The following MPPED1 variants were observed in gnomAD, a reference collection of about 807,000 sequenced individuals.
MPPED1 encodes the protein metallophosphoesterase domain containing 1, also known as metallophosphoesterase domain-containing protein 1.
Under a neutral mutation model 36.2 loss-of-function variants are expected in MPPED1, and 16 were observed. That is an observed-to-expected ratio of 0.44 (90% CI 0.30 to 0.67). The LOEUF (loss-of-function observed/expected upper bound fraction) is 0.67. MPPED1 is among the 30% of genes least tolerant of loss of function. The pLI is 0.10. For missense variants in MPPED1, 307 were observed against 453.4 expected (o/e 0.68, Z 2.93); for synonymous variants, 199 against 191.3 (o/e 1.04, Z -0.33).
At chr22:43,465,392 C>T (rs1931130161) in intron 3 of MPPED1, among the ~76,000 whole-genome samples, 1 of 152,234 alleles carries the variant, frequency 6.6e-6, no homozygotes, top group Admixed American at 6.5e-5. Context: ...ACTTAGGAGA[C>T]CTTGGTTGAA....
At position 43,473,207 on chromosome 22, in the gene MPPED1, ACGGTGCCCGTGCTGC is replaced by A. The variant is rs1250815792; in HGVS notation, c.407-1528_407-1514del. Among the ~76,000 whole-genome samples, 1,448 of 152,302 alleles carry A rather than the reference ACGGTGCCCGTGCTGC, an allele frequency of 9.5e-3. 25 individuals are homozygous for A. The highest frequency in any genetic ancestry group is 0.034 in the African/African-American group (1,393 of 41,554). On this transcript the variant is annotated intron_variant, in intron 3 of 6. Coordinates refer to ENST00000443721, the MANE Select transcript of MPPED1 (RefSeq NM_001044370.2). ...GCTGTGTTGTCCCAGGGGACAGACC[ACGGTGCCCGTGCTGC>A]TGGGCATTGCCCCGGGAGGGTGAGG...
intron 4 of MPPED1, among the ~76,000 whole-genome samples, chr22:43,483,068 G>T (rs1166921089): frequency 1.3e-5 from 2 of 152,256 alleles, no homozygotes; most frequent in Admixed American, 6.5e-5. Flanking sequence ...CAGCAGGGAA[G>T]TGTCTTGTGT....
intron 1 of MPPED1, among the ~76,000 whole-genome samples, chr22:43,421,546 C>T (rs1006457719): frequency 1.3e-5 from 2 of 152,246 alleles, no homozygotes; most frequent in Non-Finnish European, 2.9e-5. Flanking sequence ...GCCAGCCTGG[C>T]AGCCTCCTTG....
At chr22:43,455,127 T>C (rs1456875128) in intron 3 of MPPED1, among the ~76,000 whole-genome samples, 1 of 145,516 alleles carries the variant, frequency 6.9e-6, no homozygotes, top group Non-Finnish European at 1.5e-5. Flanking sequence ...TTTTTTTTTT[T>C]GAGACGAAGT....
chr22:43,449,631 C>T (rs1461696540), intron 3 of MPPED1, among the ~76,000 whole-genome samples: 2 of 152,112 alleles, frequency 1.3e-5, no homozygotes, highest in Non-Finnish European at 2.9e-5. Context: ...TGCCACCCAG[C>T]GAGGGAGGGA....
intron 3 of MPPED1, among the ~76,000 whole-genome samples, chr22:43,467,621 T>G (rs1931218513): frequency 6.6e-6 from 1 of 152,172 alleles, no homozygotes; most frequent in African/African-American, 2.4e-5. Flanking sequence ...TCTGCTAATG[T>G]GAATCTCCTA....
chr22:43,455,483 C>T (rs1436369121), intron 3 of MPPED1, among the ~76,000 whole-genome samples: 1 of 152,106 alleles, frequency 6.6e-6, no homozygotes, highest in Non-Finnish European at 1.5e-5. Flanking sequence ...ACCTGAATTA[C>T]CTCACTAAGG....
chr22:43,452,795 CT>C lies in MPPED1; in HGVS notation c.406+17587del, dbSNP rs893071470. Among the ~76,000 whole-genome samples, 38 of 151,208 alleles carry C rather than the reference CT, an allele frequency of 2.5e-4. 1 individual carries two copies. Among genetic ancestry groups the C allele is most frequent in the Admixed American group, 4.0e-4 (6 of 15,184 alleles). On this transcript the variant is annotated intron_variant, in intron 3 of 6. Coordinates refer to ENST00000443721, the MANE Select transcript of MPPED1 (RefSeq NM_001044370.2). ...AGGCACATGCCACCACGCCTGGCTACTTTTTTTATTTTTTGTAGAGACGAGG... is the reference window on the plus strand; with the variant it reads ...AGGCACATGCCACCACGCCTGGCTACTTTTTTATTTTTTGTAGAGACGAGG...
At chr22:43,429,232 G>A (rs777953097) in intron 2 of MPPED1, among the ~76,000 whole-genome samples, 3 of 152,140 alleles carry the variant, frequency 2.0e-5, no homozygotes, top group Non-Finnish European at 4.4e-5. Context: ...GTGAGTGTGG[G>A]GAGCTGGGAT....
At position 43,481,388 on chromosome 22, in the gene MPPED1, C is replaced by T. The variant is rs571084663; in HGVS notation, c.632+6427C>T. On this transcript the variant is annotated intron_variant, in intron 4 of 6. Coordinates refer to ENST00000443721, the MANE Select transcript of MPPED1 (RefSeq NM_001044370.2). The stretch of plus-strand genomic sequence containing the variant: ...TAGGACCGCCCTGTCTTTATTACTC[C>T]GGCAGTTGATTTATCTTCTCTTTAT... Among the ~76,000 whole-genome samples, 13 of 152,270 alleles carry T rather than the reference C, an allele frequency of 8.5e-5. No homozygotes were observed. In the East Asian group the frequency reaches 2.5e-3, roughly 29 times the overall value.
intron 1 of MPPED1, among the ~76,000 whole-genome samples, chr22:43,424,434 G>C (rs1049117742): frequency 6.6e-6 from 1 of 152,146 alleles, no homozygotes; most frequent in Non-Finnish European, 1.5e-5. Context: ...GTGGGCGTGG[G>C]GCCATGTGGG....
chr22:43,424,368 T>C (rs1297868974), intron 1 of MPPED1, among the ~76,000 whole-genome samples: 1 of 152,140 alleles, frequency 6.6e-6, no homozygotes, highest in African/African-American at 2.4e-5. Context: ...ATGAAATCGA[T>C]GTCGAGGGAG....
In MPPED1 at chr22:43,507,277, G is replaced by A. The variant is rs150287037; in HGVS notation, c.*1661G>A. 2.6e-5 allele frequency: 4 copies of A among 152,298 alleles called. No individual in the cohort carries two copies. Among genetic ancestry groups the A allele is most frequent in the African/African-American group, 9.6e-5 (4 of 41,558 alleles). 9.4% of individuals were successfully genotyped at this position (152,298 alleles called of 1,614,324 possible). A position where few individuals can be genotyped will look rare whatever the true frequency, so the allele number is the denominator to read the frequency against. On this transcript the variant is annotated 3_prime_UTR_variant, in exon 7 of 7. Coordinates refer to ENST00000443721, the MANE Select transcript of MPPED1 (RefSeq NM_001044370.2). ...TTTTATTGTATTTTTATTTTTAAGG[G>A]TCCTGTTCAAAACTGGTGTGAGCTC...
intron 3 of MPPED1, among the ~76,000 whole-genome samples, chr22:43,438,661 T>C (rs111398990): frequency 6.6e-6 from 1 of 151,878 alleles, no homozygotes; most frequent in African/African-American, 2.4e-5. Flanking sequence ...TTCTTTAGGA[T>C]TGTCTCTCTC....
chr22:43,502,582 G>T lies in MPPED1; in HGVS notation c.749-62G>T. On this transcript the variant is annotated intron_variant, in intron 5 of 6. Transcript: ENST00000443721. The surrounding 1 kb of genome is among the most constrained non-coding windows in gnomAD (Gnocchi z 5.5). ...CAGGCTGCAGAAGCTGCTGCTAGGC[G>T]TGGGGCAGTGAGGGGCTGGGACAGA... 1.5e-6 allele frequency: 2 copies of T among 1,330,614 alleles called. No homozygotes were observed. Among genetic ancestry groups the T allele is most frequent in the Non-Finnish European group, 2.2e-6 (2 of 927,212 alleles). The allele number at this position is 1,330,614 out of a possible 1,614,324, so 82.4% of individuals were successfully genotyped here. A position where few individuals can be genotyped will look rare whatever the true frequency, so the allele number is the denominator to read the frequency against.
intron 4 of MPPED1, among the ~76,000 whole-genome samples, chr22:43,475,559 GTGA>G (rs1433924971): frequency 2.0e-4 from 7 of 35,068 alleles, no homozygotes; most frequent in Admixed American, 1.0e-3. Context: ...GGTGATGGTG[GTGA>G]TGATGATGGT....
At chr22:43,444,279 G>GGGGTGTGTGT (rs1234228311) in intron 3 of MPPED1, among the ~76,000 whole-genome samples, 238 of 142,014 alleles carry the variant, frequency 1.7e-3, no homozygotes, top group African/African-American at 4.9e-3. Context: ...GACCCACTGG[G>GGGGTGTGTGT]GTGTGTGTGT....
chr22:43,452,035 T>G (rs1200598687), intron 3 of MPPED1, among the ~76,000 whole-genome samples: 1 of 151,736 alleles, frequency 6.6e-6, no homozygotes, highest in Non-Finnish European at 1.5e-5. Flanking sequence ...TTTTTTTTTT[T>G]GAAATGGAGT....
At chr22:43,419,743 G>A (rs1200694075) in intron 1 of MPPED1, among the ~76,000 whole-genome samples, 2 of 151,872 alleles carry the variant, frequency 1.3e-5, no homozygotes, top group African/African-American at 2.4e-5. Context: ...TTTGGGGGTG[G>A]GGGGTGGTCA....
Sources: gnomAD v4.1 joint callset for allele counts (sites outside exome capture counted in the v4.1 genomes callset) on GRCh38, gnomAD v4.1.1 for gene constraint, Gnocchi (gnomAD v3.1) non-coding constraint, MANE v1.5 for transcripts, NCBI Gene and HGNC (gene_info 2026-07-23, HGNC 2026-07-21) for gene names.